Variants in GATA3 observed in about 807,000 individuals in gnomAD.
GATA3 encodes the protein GATA binding protein 3.
GATA3 carries 6 observed loss-of-function variants against 36.0 expected under a neutral mutation model. That is an observed-to-expected ratio of 0.17 (90% CI 0.09 to 0.33). The LOEUF (loss-of-function observed/expected upper bound fraction) is 0.33. Ranked by LOEUF, GATA3 falls within the 10% of genes least tolerant of loss-of-function variation. GATA3 has a pLI of 1.00. For missense variants in GATA3, 514 were observed against 610.1 expected (o/e 0.84, Z 1.66); for synonymous variants, 326 against 273.0 (o/e 1.19, Z -1.92).
chr10:8,073,145 A>C (rs1465413033), intron 5 of GATA3, among the ~76,000 whole-genome samples: 2 of 11,746 alleles, frequency 1.7e-4, no homozygotes, highest in African/African-American at 4.9e-4. Flanking sequence ...ACTTCGTCTC[A>C]AAAAAAAAAA....
intron 5 of GATA3, 58 bp downstream of exon 5, chr10:8,069,656 A>G: frequency 6.3e-7 from 1 of 1,596,104 alleles, no homozygotes; most frequent in Non-Finnish European, 8.6e-7. Context: ...ACCAGCAAAC[A>G]GCGTCACCAC....
chr10:8,070,280 G>A (rs1421332656), intron 5 of GATA3, among the ~76,000 whole-genome samples: 5 of 152,188 alleles, frequency 3.3e-5, no homozygotes, highest in South Asian at 4.2e-4. Flanking sequence ...TTAGCAGAGC[G>A]GTAATTGCCA....
At chr10:8,051,676 G>A (rs1011904925), upstream of GATA3, 1 of 152,682 alleles carries the variant, frequency 6.5e-6, no homozygotes, top group Non-Finnish European at 1.5e-5. Flanking sequence ...TTCTCCGCAG[G>A]AGGCCAGGAT....
At position 8,058,716 on chromosome 10, in the gene GATA3, C is replaced by A. The variant is rs1832695043; in HGVS notation, c.653C>A (p.Pro218His). 1.2e-6 allele frequency: 2 copies of A among 1,612,900 alleles called. No individual in the cohort carries two copies. The highest frequency in any genetic ancestry group is 1.7e-6 in the Non-Finnish European group (2 of 1,179,950). The change falls in exon 3 of 6, where the codon CCC becomes CAC. Residue 218 changes from proline to histidine, a missense_variant. Transcript: ENST00000379328. ...GGAGCCTCCTCGTCGACCCACCACC[C>A]CATCACCACCTACCCGCCCTACGTG... Reference protein sequence around the residue: ...LGGASSSTHHPITTYPPYVPE... With the variant: ...LGGASSSTHHHITTYPPYVPE...
At chr10:8,066,581 T>A (rs1049691151) in intron 4 of GATA3, among the ~76,000 whole-genome samples, 1 of 152,194 alleles carries the variant, frequency 6.6e-6, no homozygotes, top group Non-Finnish European at 1.5e-5. Context: ...ATTTGCAGAT[T>A]CACTGAAGAC....
chr10:8,050,943 G>C (rs758568988), upstream of GATA3: 1 of 470,894 alleles, frequency 2.1e-6, no homozygotes, highest in South Asian at 1.5e-5. Flanking sequence ...CGCTTCTCCC[G>C]GCACCTCGGC....
intron 4 of GATA3, among the ~76,000 whole-genome samples, chr10:8,066,289 T>C (rs1040725906): frequency 2.0e-5 from 3 of 152,182 alleles, no homozygotes; most frequent in Non-Finnish European, 1.5e-5. Context: ...AATAATTGCT[T>C]TGAATTTTAG....
At chr10:8,045,682 G>A (rs1832378657) in intron 1 of GATA3, among the ~76,000 whole-genome samples, 1 of 152,204 alleles carries the variant, frequency 6.6e-6, no homozygotes. Flanking sequence ...AAATCTCTGG[G>A]TTTCTGTGGT....
At chr10:8,047,684 C>G (rs1832408953) in intron 1 of GATA3, among the ~76,000 whole-genome samples, 1 of 152,216 alleles carries the variant, frequency 6.6e-6, no homozygotes, top group Admixed American at 6.5e-5. Flanking sequence ...GGGTATCCGT[C>G]GCTGCCGGTC....
intron 5 of GATA3, among the ~76,000 whole-genome samples, chr10:8,072,334 C>T (rs750532994): frequency 4.6e-5 from 7 of 152,260 alleles, no homozygotes; most frequent in South Asian, 2.1e-4. Flanking sequence ...AGAACTGTGG[C>T]GGAAGGCGAT....
In GATA3 at chr10:8,055,976, G is replaced by T; in HGVS notation, c.241+80G>T. ...CGGGGAGGTCGGGAGGGACCTGAGG[G>T]CGGGGAGAGGTCAAGCGAAAGCCCC... On this transcript the variant is annotated intron_variant, in intron 2 of 5. Coordinates refer to ENST00000379328, the MANE Select transcript of GATA3 (RefSeq NM_001002295.2). The surrounding 1 kb of genome is among the most constrained non-coding windows in gnomAD (Gnocchi z 5.4). 1.3e-6 allele frequency: 2 copies of T among 1,529,866 alleles called. No homozygotes were observed. The highest frequency in any genetic ancestry group is 1.8e-6 in the Non-Finnish European group (2 of 1,129,830). The allele number at this position is 1,529,866 out of a possible 1,614,324, so 94.8% of individuals were successfully genotyped here. A position where few individuals can be genotyped will look rare whatever the true frequency, so the allele number is the denominator to read the frequency against.
intron 1 of GATA3, among the ~76,000 whole-genome samples, chr10:8,047,689 C>A (rs1381381647): frequency 6.6e-6 from 1 of 152,200 alleles, no homozygotes; most frequent in South Asian, 2.1e-4. Flanking sequence ...TCCGTCGCTG[C>A]CGGTCTGCTG....
Position 8,055,750 on chromosome 10 carries a change from G to C in GATA3, c.95G>C (p.Ser32Thr). ...CCGGACACGCACCACCCGGGCCTCA[G>C]CCACTCCTACATGGACGCGGCGCAG... ...QHPDTHHPGL[S>T]HSYMDAAQYP... The change falls in exon 2 of 6, where the codon AGC becomes ACC. Residue 32 changes from serine (S) to threonine (T), a missense_variant. Physicochemically the swap from Ser to Thr is moderately conservative, Grantham distance 58 (BLOSUM62 1). Coordinates refer to ENST00000379328, the MANE Select transcript of GATA3 (RefSeq NM_001002295.2). The surrounding 1 kb of genome is among the most constrained non-coding windows in gnomAD (Gnocchi z 5.4). The C allele has an allele frequency of 6.3e-7, 1 of 1,582,226 alleles. No homozygotes were observed. The highest frequency in any genetic ancestry group is 8.6e-7 in the Non-Finnish European group (1 of 1,164,162).
intron 1 of GATA3, among the ~76,000 whole-genome samples, chr10:8,047,221 G>A (rs940944783): frequency 6.6e-6 from 1 of 152,206 alleles, no homozygotes; most frequent in Non-Finnish European, 1.5e-5. Context: ...TGGGGAACCG[G>A]CAGGTAGGTG....
intron 3 of GATA3, among the ~76,000 whole-genome samples, chr10:8,061,299 TG>T (rs780404772): frequency 1.3e-5 from 2 of 152,178 alleles, no homozygotes; most frequent in African/African-American, 2.4e-5. Context: ...TTAGCTCCAC[TG>T]CCACCTTTCC....
chr10:8,071,814 G>T (rs1486517873), intron 5 of GATA3, among the ~76,000 whole-genome samples: 1 of 152,102 alleles, frequency 6.6e-6, no homozygotes, highest in East Asian at 1.9e-4. Flanking sequence ...TTCTTATCTA[G>T]GTGTTGAGAT....
intron 4 of GATA3, among the ~76,000 whole-genome samples, chr10:8,068,876 A>AT (rs1264643426): frequency 6.6e-6 from 1 of 152,244 alleles, no homozygotes; most frequent in Admixed American, 6.5e-5. Context: ...TTGCACAGAC[A>AT]TTCTTTGCAG....
rs942916597 is a variant in GATA3, at chr10:8,074,204, A to C, written c.*181A>C. On this transcript the variant is annotated 3_prime_UTR_variant, in exon 6 of 6. Transcript: ENST00000379328. ...TCACTGTGGTGTCTGTGTTCCAACC[A>C]CTGAATCTGGACCCCATCTGTGAAT... The C allele has an allele frequency of 1.5e-5, 10 of 658,504 alleles. No individual in the cohort carries two copies. The highest frequency in any genetic ancestry group is 2.3e-5 in the Non-Finnish European group (9 of 391,450). 40.8% of individuals were successfully genotyped at this position (658,504 alleles called of 1,614,324 possible).
intron 4 of GATA3, 99 bp from the exon 5 acceptor site, chr10:8,069,374 C>T (rs2131510987): frequency 8.3e-7 from 1 of 1,211,388 alleles, no homozygotes; most frequent in Non-Finnish European, 1.2e-6. Flanking sequence ...ATGATAATTT[C>T]TTCCTTCCTT....
Sources: allele counts gnomAD v4.1 joint callset (sites outside exome capture counted in the v4.1 genomes callset), GRCh38; gene constraint gnomAD v4.1.1; non-coding constraint Gnocchi (gnomAD v3.1); transcripts MANE v1.5; gene names NCBI Gene and HGNC (gene_info 2026-07-23, HGNC 2026-07-21).